GNG7: variants seen among roughly 807,000 people sequenced by gnomAD.
GNG7 encodes G protein subunit gamma 7.
GNG7 carries 1 observed loss-of-function variant against 4.0 expected under a neutral mutation model. The ratio of observed to expected loss-of-function variants is 0.25; its 90% CI spans 0.09 to 1.18. The LOEUF (loss-of-function observed/expected upper bound fraction) is 1.18, where lower values mean the gene tolerates loss of function less well. Among genes scored for constraint, GNG7 ranks in the 50% most tolerant of loss-of-function variants. GNG7 has a pLI of 0.50. For missense variants in GNG7, 86 were observed against 91.9 expected (o/e 0.94, Z 0.26); for synonymous variants, 34 against 36.9 (o/e 0.92, Z 0.29).
chr19:2,698,849 G>A (rs1913332148), intron 1 of GNG7, among the ~76,000 whole-genome samples: 1 of 152,148 alleles, frequency 6.6e-6, no homozygotes, highest in African/African-American at 2.4e-5. Flanking sequence ...GGTAATTTGT[G>A]TTTAGTTCTC....
intron 2 of GNG7, among the ~76,000 whole-genome samples, chr19:2,574,861 G>A (rs934838277): frequency 2.6e-5 from 4 of 152,024 alleles, no homozygotes; most frequent in African/African-American, 4.8e-5. Context: ...CTCCTCTCCC[G>A]CTCTTGTCCG....
chr19:2,606,708 G>C (rs1981396013), intron 2 of GNG7, among the ~76,000 whole-genome samples: 1 of 150,748 alleles, frequency 6.6e-6, no homozygotes, highest in Non-Finnish European at 1.5e-5. Flanking sequence ...AAAAAAGTTA[G>C]ACCCTGTCTC....
intron 1 of GNG7, among the ~76,000 whole-genome samples, chr19:2,671,847 C>T (rs1278246275): frequency 2.0e-5 from 3 of 151,230 alleles, no homozygotes; most frequent in Non-Finnish European, 4.4e-5. Flanking sequence ...GTCAGCAGAT[C>T]GAGACCATCC....
chr19:2,653,398 G>A lies in GNG7; in HGVS notation c.-134-7118C>T, dbSNP rs1048162784. On this transcript the variant is annotated intron_variant, in intron 1 of 4. Coordinates refer to ENST00000382159, the MANE Select transcript of GNG7 (RefSeq NM_052847.3). The surrounding 1 kb of genome is among the most constrained non-coding windows in gnomAD (Gnocchi z 4.8). The stretch of plus-strand genomic sequence containing the variant: ...GAGTCCCATGATCCTCGGCCCTGCT[G>A]AGGTCCCAGGAGGCTGCACACATTG... 8.5e-5 allele frequency among the ~76,000 whole-genome samples: 13 copies of A among 152,206 alleles called. No homozygotes were observed. Among genetic ancestry groups the A allele is most frequent in the Non-Finnish European group, 1.5e-4 (10 of 68,042 alleles).
chr19:2,532,152 A>AAC (rs947018381), intron 3 of GNG7, among the ~76,000 whole-genome samples: 5 of 52,558 alleles, frequency 9.5e-5, no homozygotes, highest in African/African-American at 6.1e-4. Flanking sequence ...CTCCGTCTCA[A>AAC]AAAAAAAAAC....
intron 2 of GNG7, among the ~76,000 whole-genome samples, chr19:2,635,627 G>C (rs983969942): frequency 1.3e-5 from 2 of 148,988 alleles, no homozygotes; most frequent in Non-Finnish European, 3.0e-5. Flanking sequence ...GTATTGCCCA[G>C]GCTGTAGTGC....
chr19:2,627,728 C>T (rs1169394696), intron 2 of GNG7, among the ~76,000 whole-genome samples: 1 of 152,264 alleles, frequency 6.6e-6, no homozygotes, highest in Non-Finnish European at 1.5e-5. Context: ...CGGCAGCTGA[C>T]TCAGCCCGGG....
chr19:2,673,669 G>A (rs1466542669), intron 1 of GNG7, among the ~76,000 whole-genome samples: 1 of 149,248 alleles, frequency 6.7e-6, no homozygotes, highest in African/African-American at 2.5e-5. Context: ...ACTCCAGCCT[G>A]GGTGAAAGAG....
intron 2 of GNG7, among the ~76,000 whole-genome samples, chr19:2,565,143 C>T (rs935591392): frequency 1.3e-5 from 2 of 152,194 alleles, no homozygotes; most frequent in African/African-American, 4.8e-5. Flanking sequence ...GTTGGAATCA[C>T]GGGCTCAGAC....
At position 2,546,164 on chromosome 19, in the gene GNG7, C is replaced by T. The variant is rs573021375; in HGVS notation, c.-38+8985G>A. Among the ~76,000 whole-genome samples the T allele has an allele frequency of 1.2e-3, 190 of 152,262 alleles. No homozygotes were observed. Among genetic ancestry groups the T allele is most frequent in the Non-Finnish European group, 2.2e-3 (152 of 68,014 alleles). ...GGACCCACGCAGAGCCCGGGGAGCC[C>T]GACTGAAATGGAAACTTCAATACAA... is the stretch of plus-strand genomic sequence containing the variant. On this transcript the variant is annotated intron_variant, in intron 3 of 4. Coordinates refer to ENST00000382159, the MANE Select transcript of GNG7 (RefSeq NM_052847.3). The surrounding 1 kb of genome is among the most constrained non-coding windows in gnomAD (Gnocchi z 6.3).
intron 2 of GNG7, among the ~76,000 whole-genome samples, chr19:2,644,379 AT>A: frequency 1.4e-5 from 1 of 72,508 alleles, no homozygotes; most frequent in Non-Finnish European, 2.7e-5. Flanking sequence ...ATATATATAT[AT>A]AATGCTCTAT....
At chr19:2,541,517 G>C (rs770957509) in intron 3 of GNG7, among the ~76,000 whole-genome samples, 2 of 151,900 alleles carry the variant, frequency 1.3e-5, no homozygotes, top group Admixed American at 1.3e-4. Context: ...GGTGGATCAC[G>C]AGGTCAGGAG....
At chr19:2,623,859 C>T (rs1981944116) in intron 2 of GNG7, among the ~76,000 whole-genome samples, 2 of 152,014 alleles carry the variant, frequency 1.3e-5, no homozygotes, top group Non-Finnish European at 2.9e-5. Context: ...CCAGCCTGGG[C>T]CACAGAGCGA....
Position 2,540,447 on chromosome 19 carries a change from G to A in GNG7, c.-38+14702C>T, listed in dbSNP as rs368411708. On this transcript the variant is annotated intron_variant, in intron 3 of 4. Coordinates refer to ENST00000382159, the MANE Select transcript of GNG7 (RefSeq NM_052847.3). Reference sequence around the variant, plus strand: ...GATTACAGACGGAGCCTCCACACTCGGCCTGTGCTCTAAGACTGATTCTTG... The same window carrying A: ...GATTACAGACGGAGCCTCCACACTCAGCCTGTGCTCTAAGACTGATTCTTG... Among the ~76,000 whole-genome samples, 507 of 152,258 alleles carry A rather than the reference G, an allele frequency of 3.3e-3. 2 individuals carry two copies. The highest frequency in any genetic ancestry group is 0.012 in the African/African-American group (481 of 41,560).
chr19:2,516,499 C>T (rs576888699), intron 4 of GNG7, among the ~76,000 whole-genome samples: 2 of 152,254 alleles, frequency 1.3e-5, no homozygotes, highest in Admixed American at 1.3e-4. Context: ...GCTGGGATTA[C>T]AGGCGTGAGC....
intron 3 of GNG7, among the ~76,000 whole-genome samples, chr19:2,525,339 G>A (rs983710820): frequency 2.0e-5 from 3 of 152,330 alleles, no homozygotes; most frequent in African/African-American, 7.2e-5. Context: ...CAAGGCTCCA[G>A]GCCAGGCTCT....
intron 1 of GNG7, among the ~76,000 whole-genome samples, chr19:2,697,038 G>C (rs1280612353): frequency 2.0e-5 from 3 of 152,034 alleles, no homozygotes; most frequent in Non-Finnish European, 4.4e-5. Context: ...ACAGGGTTTC[G>C]CCATGTTGGC....
intron 2 of GNG7, among the ~76,000 whole-genome samples, chr19:2,608,735 C>T (rs570162015): frequency 6.6e-6 from 1 of 152,276 alleles, no homozygotes; most frequent in African/African-American, 2.4e-5. Context: ...CACACTCTCC[C>T]GGGGTCTGCA....
chr19:2,674,835 C>CGCATTTCCA (rs1297918421), intron 1 of GNG7, among the ~76,000 whole-genome samples: 1 of 152,176 alleles, frequency 6.6e-6, no homozygotes, highest in Non-Finnish European at 1.5e-5. Context: ...GGTCGTAACT[C>CGCATTTCCA]GCATTTCCAC....
Sources: gnomAD v4.1 joint callset for allele counts (sites outside exome capture counted in the v4.1 genomes callset) on GRCh38, gnomAD v4.1.1 for gene constraint, Gnocchi (gnomAD v3.1) non-coding constraint, MANE v1.5 for transcripts, NCBI Gene and HGNC (gene_info 2026-07-23, HGNC 2026-07-21) for gene names.